The following BARX2 variants were observed in gnomAD, a reference collection of about 807,000 sequenced individuals.
BARX2 encodes BARX homeobox 2, also known as homeobox protein BarH-like 2.
In BARX2, 11 loss-of-function variants were observed where a neutral mutation model predicts 25.5. The ratio of observed to expected loss-of-function variants is 0.43; its 90% confidence interval spans 0.27 to 0.71. BARX2 has a LOEUF of 0.71. Among genes scored for constraint, BARX2 ranks in the 30% least tolerant of loss-of-function variants. The pLI, the probability that BARX2 is intolerant of heterozygous loss-of-function variation, is 0.19. For synonymous variants in BARX2, 137 were observed against 149.5 expected, an observed-to-expected ratio of 0.92 and a Z score of 0.61; for missense variants, 360 against 359.9, an observed-to-expected ratio of 1.00 and a Z score of 0.00.
rs1273853380 is a variant in BARX2, at chr11:129,436,323, A to G, written c.188-428A>G. 3.5e-5 allele frequency: 6 copies of G among 169,330 alleles called. No homozygotes were observed. The highest frequency in any genetic ancestry group is 5.0e-5 in the Non-Finnish European group (4 of 80,032). The allele number at this position is 169,330 out of a possible 1,614,324, so 10.5% of individuals were successfully genotyped here. On this transcript the variant is annotated intron_variant, in intron 1 of 3. Coordinates refer to ENST00000281437, the MANE Select transcript of BARX2 (RefSeq NM_003658.5). This position sits in a 1 kb window ranked among gnomAD's most constrained non-coding sequence, Gnocchi z 4.5. ...TTCTCAGGAAGAATTCATAGCTACA[A>G]GCATGTCTTTTTATAAAGACCACAG...
intron 1 of BARX2, among the ~76,000 whole-genome samples, chr11:129,414,636 T>C (rs1021400116): frequency 5.9e-5 from 9 of 152,236 alleles, no homozygotes; most frequent in African/African-American, 2.2e-4. Flanking sequence ...AAATCCCATA[T>C]TAGCATTACA....
At chr11:129,420,964 A>T (rs1324753321) in intron 1 of BARX2, among the ~76,000 whole-genome samples, 1 of 152,182 alleles carries the variant, frequency 6.6e-6, no homozygotes, top group East Asian at 1.9e-4. Flanking sequence ...TCATTTACGG[A>T]TGAGGAATAT....
At chr11:129,391,159 A>G (rs1281114503) in intron 1 of BARX2, among the ~76,000 whole-genome samples, 1 of 152,202 alleles carries the variant, frequency 6.6e-6, no homozygotes, top group African/African-American at 2.4e-5. Flanking sequence ...TTCCACAGAA[A>G]GCTAGACCAG....
At chr11:129,415,217 T>C (rs1017414529) in intron 1 of BARX2, among the ~76,000 whole-genome samples, 3 of 152,180 alleles carry the variant, frequency 2.0e-5, no homozygotes, top group African/African-American at 7.2e-5. Context: ...GATGGTGTTA[T>C]TGATGATCAT....
intron 3 of BARX2, among the ~76,000 whole-genome samples, chr11:129,446,889 C>G (rs1862336563): frequency 6.6e-6 from 1 of 152,104 alleles, no homozygotes; most frequent in Non-Finnish European, 1.5e-5. Flanking sequence ...GTTATGTGGC[C>G]CTCGCTGCCC....
At chr11:129,385,542 T>G (rs946414180) in intron 1 of BARX2, among the ~76,000 whole-genome samples, 4 of 152,212 alleles carry the variant, frequency 2.6e-5, no homozygotes, top group Non-Finnish European at 5.9e-5. Context: ...AGTTGTAGAT[T>G]GATACTTACT....
chr11:129,379,117 C>T lies in BARX2; in HGVS notation c.187+2895C>T, dbSNP rs184618144. 2.7e-4 allele frequency among the ~76,000 whole-genome samples: 41 copies of T among 152,252 alleles called. 2 individuals are homozygous for T. In the Middle Eastern group the frequency reaches 0.01, roughly 38 times the overall value. On this transcript the variant is annotated intron_variant, in intron 1 of 3. Coordinates refer to ENST00000281437, the MANE Select transcript of BARX2 (RefSeq NM_003658.5). ...TAATTTTAGTCTTGGAAAGATGTCT[C>T]TAAATTTCTCTCGGTTTCCTAGTAC...
At chr11:129,441,321 C>T (rs938930762) in intron 2 of BARX2, among the ~76,000 whole-genome samples, 10 of 152,134 alleles carry the variant, frequency 6.6e-5, no homozygotes, top group Admixed American at 1.3e-4. Context: ...CTTAACTCTA[C>T]GATCATCTGC....
chr11:129,422,800 T>C lies in BARX2; in HGVS notation c.188-13951T>C, dbSNP rs1009912090. ...CTCACGGAAACCTCTACCTCCCAGGTTCAAGTGATTCTCCTGCCTCAGCCT... is the reference window on the plus strand; with the variant it reads ...CTCACGGAAACCTCTACCTCCCAGGCTCAAGTGATTCTCCTGCCTCAGCCT... On this transcript the variant is annotated intron_variant, in intron 1 of 3. Transcript: ENST00000281437. Among the ~76,000 whole-genome samples, 5 of 151,612 alleles carry C rather than the reference T, an allele frequency of 3.3e-5. No homozygotes were observed. In the East Asian group the frequency reaches 9.7e-4, roughly 29 times the overall value.
At chr11:129,409,071 T>C (rs369629953) in intron 1 of BARX2, among the ~76,000 whole-genome samples, 1 of 152,124 alleles carries the variant, frequency 6.6e-6, no homozygotes, top group Non-Finnish European at 1.5e-5. Context: ...CATATGATAA[T>C]ACAAGAGCTC....
At chr11:129,381,008 C>G (rs1387204859) in intron 1 of BARX2, among the ~76,000 whole-genome samples, 1 of 152,138 alleles carries the variant, frequency 6.6e-6, no homozygotes, top group African/African-American at 2.4e-5. Flanking sequence ...AACTCCTAAT[C>G]TCGTGATCCA....
At chr11:129,384,771 C>T (rs1365609375) in intron 1 of BARX2, among the ~76,000 whole-genome samples, 1 of 152,092 alleles carries the variant, frequency 6.6e-6, no homozygotes, top group Admixed American at 6.6e-5. Flanking sequence ...TACTTTATAC[C>T]CTAAACCATA....
intron 1 of BARX2, among the ~76,000 whole-genome samples, chr11:129,380,585 G>T (rs1210797111): frequency 2.0e-5 from 3 of 152,076 alleles, no homozygotes; most frequent in East Asian, 3.9e-4. Context: ...AAAAATGATC[G>T]TTATCAACAA....
rs559321781 is a variant in BARX2 at position 129,410,612 on chromosome 11, C to G, written c.188-26139C>G. ...AATATGTGCACACCCTGTGGGCCAG[C>G]AGGCCTCCCTATAGGGTCCAGGCAG... On this transcript the variant is annotated intron_variant, in intron 1 of 3. Transcript: ENST00000281437. Among the ~76,000 whole-genome samples, 42 of 152,300 alleles carry G rather than the reference C, an allele frequency of 2.8e-4. No homozygotes were observed. In the South Asian group the frequency reaches 8.1e-3, roughly 29 times the overall value.
At chr11:129,398,260 G>C (rs61911193) in intron 1 of BARX2, among the ~76,000 whole-genome samples, 5,375 of 152,286 alleles carry the variant, frequency 0.035, 115 homozygotes, top group Middle Eastern at 0.048. Context: ...TGGAGGGTCA[G>C]AGTATGATCC....
At chr11:129,382,342 C>A (rs947603617) in intron 1 of BARX2, among the ~76,000 whole-genome samples, 2 of 152,082 alleles carry the variant, frequency 1.3e-5, no homozygotes, top group Non-Finnish European at 2.9e-5. Context: ...CCATGCCTGG[C>A]TAATTTTTGT....
Position 129,451,632 on chromosome 11 carries a change from C to A in BARX2, c.*230C>A, listed in dbSNP as rs193170821. 7.0e-6 allele frequency: 4 copies of A among 574,756 alleles called. No homozygotes were observed. In the South Asian group the frequency reaches 9.3e-5, roughly 13 times the overall value. 35.6% of individuals were successfully genotyped at this position (574,756 alleles called of 1,614,324 possible). A position where few individuals can be genotyped will look rare whatever the true frequency, so the allele number is the denominator to read the frequency against. On this transcript the variant is annotated 3_prime_UTR_variant, in exon 4 of 4. Transcript: ENST00000281437. ...GAAAGGCTGCTTTAGCTGTGGATGC[C>A]CTTGATTAAGGGAGAGAGCGCCTAG...
At chr11:129,415,072 A>C (rs1861930353) in intron 1 of BARX2, among the ~76,000 whole-genome samples, 1 of 151,262 alleles carries the variant, frequency 6.6e-6, no homozygotes, top group Admixed American at 6.6e-5. Flanking sequence ...CTTTTATTTT[A>C]ATATAAAAAT....
In BARX2 at chr11:129,436,604, A is replaced by C; in HGVS notation, c.188-147A>C. On this transcript the variant is annotated intron_variant, in intron 1 of 3. Coordinates refer to ENST00000281437, the MANE Select transcript of BARX2 (RefSeq NM_003658.5). The surrounding 1 kb of genome is among the most constrained non-coding windows in gnomAD (Gnocchi z 4.5). The stretch of plus-strand genomic sequence containing the variant: ...GCCCTGCAGCTGTAGGTCTTGAGTT[A>C]CCTCTCCTTCCCCTTCCTCCATCTG... The C allele has an allele frequency of 1.9e-5, 16 of 831,070 alleles. No homozygotes were observed. Among genetic ancestry groups the C allele is most frequent in the Non-Finnish European group, 2.8e-5 (15 of 540,818 alleles). 51.5% of individuals were successfully genotyped at this position (831,070 alleles called of 1,614,324 possible). A position where few individuals can be genotyped will look rare whatever the true frequency, so the allele number is the denominator to read the frequency against.
Sources: gnomAD v4.1 joint callset for allele counts (sites outside exome capture counted in the v4.1 genomes callset) on GRCh38, gnomAD v4.1.1 for gene constraint, Gnocchi (gnomAD v3.1) non-coding constraint, MANE v1.5 for transcripts, NCBI Gene and HGNC (gene_info 2026-07-23, HGNC 2026-07-21) for gene names.